Variants in HDAC9 observed in about 807,000 individuals in gnomAD.
HDAC9 encodes MEF-2 interacting transcription repressor (MITR) protein.
In HDAC9, 41 loss-of-function variants were observed where a neutral mutation model predicts 139.4. The ratio of observed to expected loss-of-function variants is 0.29; its 90% confidence interval spans 0.23 to 0.38. HDAC9 has a LOEUF of 0.38. Among genes scored for constraint, HDAC9 ranks in the 10% least tolerant of loss-of-function variants. The probability of loss-of-function intolerance (pLI) is 1.00; values close to 1 mark genes in which losing one functional copy is unlikely to be tolerated. For missense variants in HDAC9, 1,147 were observed against 1,297.0 expected (o/e 0.88, Z 1.78); for synonymous variants, 517 against 476.2 (o/e 1.09, Z -1.12).
At chr7:18,990,071 G>T (rs192478765) in intron 25 of HDAC9, among the ~76,000 whole-genome samples, 4 of 152,014 alleles carry the variant, frequency 2.6e-5, no homozygotes, top group Non-Finnish European at 5.9e-5. Context: ...GTCATTCTCC[G>T]TCCAGCTTTG....
chr7:18,414,132 G>T (rs1414193566), intron 1 of HDAC9, among the ~76,000 whole-genome samples: 1 of 152,066 alleles, frequency 6.6e-6, no homozygotes, highest in Non-Finnish European at 1.5e-5. Context: ...ACATTTAAAA[G>T]ACATGGTTAT....
chr7:18,565,567 G>A (rs1328071975), intron 2 of HDAC9, among the ~76,000 whole-genome samples: 1 of 152,116 alleles, frequency 6.6e-6, no homozygotes, highest in African/African-American at 2.4e-5. Context: ...ATTAGAGAGG[G>A]AGGAGGAGAA....
At chr7:18,325,135 T>TA (rs1464503438) in intron 1 of HDAC9, among the ~76,000 whole-genome samples, 3 of 151,978 alleles carry the variant, frequency 2.0e-5, no homozygotes, top group Non-Finnish European at 2.9e-5. Context: ...TAGAAGTTAA[T>TA]AAAAAAAGAC....
At chr7:18,430,177 T>G (rs932104244) in intron 1 of HDAC9, among the ~76,000 whole-genome samples, 19 of 152,154 alleles carry the variant, frequency 1.2e-4, no homozygotes, top group Admixed American at 4.6e-4. Context: ...CTTGAACTTG[T>G]TCTCCTAGAC....
chr7:18,994,586 T>C (rs1223527399), intron 25 of HDAC9, among the ~76,000 whole-genome samples: 1 of 152,034 alleles, frequency 6.6e-6, no homozygotes, highest in East Asian at 1.9e-4. Context: ...CAATAAATAA[T>C]GAAGACTTAA....
intron 1 of HDAC9, among the ~76,000 whole-genome samples, chr7:18,143,655 G>A (rs573609690): frequency 1.3e-5 from 2 of 151,976 alleles, no homozygotes; most frequent in South Asian, 2.1e-4. Context: ...GCGTGGTGGC[G>A]GGCACCTGTA....
intron 22 of HDAC9, among the ~76,000 whole-genome samples, chr7:18,885,883 C>T (rs972417175): frequency 5.3e-5 from 8 of 152,092 alleles, no homozygotes. Flanking sequence ...CAAGGACTTA[C>T]TCTTTGACTC....
chr7:18,586,565 T>C (rs1829518540), intron 3 of HDAC9, among the ~76,000 whole-genome samples: 1 of 152,118 alleles, frequency 6.6e-6, no homozygotes, highest in Non-Finnish European at 1.5e-5. Context: ...TACTAGTATG[T>C]AATTTTACCA....
rs201579079 is a variant in HDAC9, at chr7:18,975,966, C to G, written c.3170+13C>G. The G allele has an allele frequency of 1.2e-6, 2 of 1,611,752 alleles. No homozygotes were observed. The highest frequency in any genetic ancestry group is 1.7e-6 in the Non-Finnish European group (2 of 1,178,986). ...AGGAAGACAGCAGGTATGAATCCAACGTGCGGGAATAATCCGGGTCAGTCA... is the reference window on the plus strand; with the variant it reads ...AGGAAGACAGCAGGTATGAATCCAAGGTGCGGGAATAATCCGGGTCAGTCA... On this transcript the variant is annotated intron_variant, in intron 25 of 25. Coordinates refer to ENST00000686413, the MANE Select transcript of HDAC9 (RefSeq NM_178425.4).
intron 1 of HDAC9, among the ~76,000 whole-genome samples, chr7:18,404,008 T>C (rs1787780578): frequency 6.6e-6 from 1 of 152,138 alleles, no homozygotes. Flanking sequence ...AAGAGTCTTT[T>C]AGAGCTCTCG....
intron 1 of HDAC9, among the ~76,000 whole-genome samples, chr7:18,447,064 T>G (rs1241786030): frequency 6.6e-6 from 1 of 152,192 alleles, no homozygotes; most frequent in Non-Finnish European, 1.5e-5. Context: ...ATAGATTCTT[T>G]CAACCCTAAA....
At chr7:18,659,467 A>G (rs1298333626) in intron 11 of HDAC9, among the ~76,000 whole-genome samples, 1 of 152,184 alleles carries the variant, frequency 6.6e-6, no homozygotes, top group Non-Finnish European at 1.5e-5. Context: ...GTAATCCTTG[A>G]AGACTTTTGA....
At chr7:18,305,277 C>T (rs1031918313) in intron 1 of HDAC9, among the ~76,000 whole-genome samples, 1 of 152,168 alleles carries the variant, frequency 6.6e-6, no homozygotes, top group Admixed American at 6.5e-5. Flanking sequence ...TACCCTCCAC[C>T]AACCAGTGCA....
intron 2 of HDAC9, among the ~76,000 whole-genome samples, chr7:18,541,850 T>C (rs931697020): frequency 5.3e-5 from 8 of 152,238 alleles, no homozygotes; most frequent in South Asian, 2.1e-4. Context: ...TGTAATCCTT[T>C]ATGGTAAATC....
At position 18,985,015 on chromosome 7, in the gene HDAC9, C is replaced by A. The variant is rs985129999; in HGVS notation, c.3170+9062C>A. Among the ~76,000 whole-genome samples, 9 of 152,062 alleles carry A rather than the reference C, an allele frequency of 5.9e-5. No individual in the cohort carries two copies. In the East Asian group the frequency reaches 9.6e-4, roughly 16 times the overall value. On this transcript the variant is annotated intron_variant, in intron 25 of 25. Coordinates refer to ENST00000686413, the MANE Select transcript of HDAC9 (RefSeq NM_178425.4). The stretch of plus-strand genomic sequence containing the variant: ...CACATTTAGGTGTAGAATTGTTACA[C>A]AGGAAGTCTGTACTGAGAATATTTC...
At chr7:18,467,161 A>G (rs1260511957) in intron 1 of HDAC9, among the ~76,000 whole-genome samples, 2 of 152,102 alleles carry the variant, frequency 1.3e-5, no homozygotes, top group East Asian at 3.8e-4. Flanking sequence ...CTTCTTCCCT[A>G]CTCACACATT....
chr7:18,433,664 A>G (rs1790895542), intron 1 of HDAC9, among the ~76,000 whole-genome samples: 1 of 152,146 alleles, frequency 6.6e-6, no homozygotes. Flanking sequence ...AGTCCCATTC[A>G]CAATAGACAC....
chr7:18,225,181 A>G (rs1792971832), intron 2 of HDAC9, among the ~76,000 whole-genome samples: 1 of 152,172 alleles, frequency 6.6e-6, no homozygotes, highest in South Asian at 2.1e-4. Context: ...AAGTGGATAA[A>G]CAGAACTGGA....
At position 19,002,159 on chromosome 7, in the gene HDAC9, G is replaced by A. The variant is rs1786782319; in HGVS notation, c.*6097G>A. 6.6e-6 allele frequency: 1 copy of A among 151,896 alleles called. No individual in the cohort carries two copies. Among genetic ancestry groups the A allele is most frequent in the Non-Finnish European group, 1.5e-5 (1 of 67,900 alleles). The allele number at this position is 151,896 out of a possible 1,614,324, so 9.4% of individuals were successfully genotyped here. A position where few individuals can be genotyped will look rare whatever the true frequency, so the allele number is the denominator to read the frequency against. On this transcript the variant is annotated 3_prime_UTR_variant, in exon 26 of 26. Transcript: ENST00000686413. ...TTGTGCTGCCAGTGGTATTTTCCCA[G>A]ATGTGAAAAATAATAATCTAATAAA...
Sources: gnomAD v4.1 joint callset for allele counts (sites outside exome capture counted in the v4.1 genomes callset) on GRCh38, gnomAD v4.1.1 for gene constraint, MANE v1.5 for transcripts, NCBI Gene and HGNC (gene_info 2026-07-23, HGNC 2026-07-21) for gene names.